HS6ST3: variants seen among roughly 807,000 people sequenced by gnomAD.
HS6ST3 encodes the protein heparan-sulfate 6-O-sulfotransferase 3.
HS6ST3 carries 12 observed loss-of-function variants against 36.7 expected under a neutral mutation model. The ratio of observed to expected loss-of-function variants is 0.33; its 90% CI spans 0.21 to 0.53. HS6ST3 has a LOEUF of 0.53. Ranked by LOEUF, HS6ST3 falls within the 20% of genes least tolerant of loss-of-function variation. The pLI is 0.95. For missense variants in HS6ST3, 584 were observed against 640.9 expected (o/e 0.91, Z 0.96); for synonymous variants, 240 against 257.5 (o/e 0.93, Z 0.65).
intron 1 of HS6ST3, among the ~76,000 whole-genome samples, chr13:96,412,549 G>T (rs988739942): frequency 6.6e-6 from 1 of 152,014 alleles, no homozygotes; most frequent in Admixed American, 6.6e-5. Context: ...AGATTCTTGG[G>T]TAGAAATTGT....
At chr13:96,217,533 A>G (rs2054433027) in intron 1 of HS6ST3, among the ~76,000 whole-genome samples, 2 of 152,164 alleles carry the variant, frequency 1.3e-5, no homozygotes, top group African/African-American at 4.8e-5. Flanking sequence ...GCAGCTTCCT[A>G]ACGAAGTAGA....
chr13:96,753,255 T>C (rs1390555186), intron 1 of HS6ST3, among the ~76,000 whole-genome samples: 4 of 152,218 alleles, frequency 2.6e-5, no homozygotes, highest in African/African-American at 7.2e-5. Flanking sequence ...TTGGGCAAGA[T>C]TTTTCAAAAC....
chr13:96,660,421 T>C (rs1197692729), intron 1 of HS6ST3, among the ~76,000 whole-genome samples: 2 of 152,092 alleles, frequency 1.3e-5, no homozygotes. Context: ...TCATACACAA[T>C]GAGGAAAGGA....
At chr13:96,719,486 TTC>T (rs1566437652) in intron 1 of HS6ST3, among the ~76,000 whole-genome samples, 4 of 152,184 alleles carry the variant, frequency 2.6e-5, no homozygotes, top group Admixed American at 6.5e-5. Flanking sequence ...CTCATCAGCA[TTC>T]TTTTTCTAGG....
At chr13:96,678,981 A>G (rs553602647) in intron 1 of HS6ST3, among the ~76,000 whole-genome samples, 6 of 151,710 alleles carry the variant, frequency 4.0e-5, no homozygotes, top group Non-Finnish European at 8.8e-5. Context: ...TGTCAACCCC[A>G]ACCTCACCCT....
chr13:96,367,497 C>T (rs1201889655), intron 1 of HS6ST3, among the ~76,000 whole-genome samples: 1 of 152,160 alleles, frequency 6.6e-6, no homozygotes, highest in African/African-American at 2.4e-5. Context: ...TTGACTATGA[C>T]ACTGGTACAC....
Position 96,832,534 on chromosome 13 carries a change from A to T in HS6ST3, c.752A>T (p.Tyr251Phe). 6.2e-7 allele frequency: 1 copy of T among 1,605,744 alleles called. No individual in the cohort carries two copies. The highest frequency in any genetic ancestry group is 1.3e-5 in the African/African-American group (1 of 74,696). Residue 251 changes from tyrosine (Y) to phenylalanine (F), a missense_variant, in exon 2 of 2, where the codon TAC (tyrosine) becomes TTC (phenylalanine). By Grantham distance (22) the Tyr-to-Phe change is conservative. This residue lies in a region of HS6ST3 where 360 missense variants were observed against 411.3 expected (regional missense o/e 0.88). Transcript: ENST00000376705. ...ITMLRDPVSR[Y>F]LSEWKHVQRG... ...ATGTTACGGGATCCAGTGTCACGTT[A>T]CCTGAGCGAGTGGAAACATGTCCAG...
intron 1 of HS6ST3, among the ~76,000 whole-genome samples, chr13:96,291,875 A>G (rs2054831335): frequency 1.3e-5 from 2 of 152,198 alleles, no homozygotes; most frequent in Non-Finnish European, 2.9e-5. Flanking sequence ...TTTTTGGACA[A>G]AAAGTACATT....
At chr13:96,434,613 G>T (rs2055632341) in intron 1 of HS6ST3, among the ~76,000 whole-genome samples, 1 of 151,916 alleles carries the variant, frequency 6.6e-6, no homozygotes, top group South Asian at 2.1e-4. Flanking sequence ...TGGTGCCCTG[G>T]CTCTTCTCTT....
chr13:96,099,354 T>C, intron 1 of HS6ST3, among the ~76,000 whole-genome samples: 1 of 152,198 alleles, frequency 6.6e-6, no homozygotes, highest in East Asian at 1.9e-4. Flanking sequence ...CAAGCTGTGA[T>C]GCAAAAGAGA....
At chr13:96,757,476 ATAT>A (rs1876860368) in intron 1 of HS6ST3, among the ~76,000 whole-genome samples, 1 of 152,166 alleles carries the variant, frequency 6.6e-6, no homozygotes, top group Non-Finnish European at 1.5e-5. Context: ...TTTTTTTTAA[ATAT>A]ACTTTTACTT....
intron 1 of HS6ST3, among the ~76,000 whole-genome samples, chr13:96,784,244 C>T (rs931437948): frequency 3.9e-5 from 6 of 152,082 alleles, no homozygotes; most frequent in Non-Finnish European, 1.5e-5. Context: ...ACTTGACTGA[C>T]CTATCTGGCT....
chr13:96,225,226 G>A (rs1450365342), intron 1 of HS6ST3, among the ~76,000 whole-genome samples: 3 of 152,140 alleles, frequency 2.0e-5, no homozygotes, highest in African/African-American at 7.2e-5. Context: ...ATCAAGTTTG[G>A]CCTAATTAAA....
chr13:96,571,206 G>C lies in HS6ST3; in HGVS notation c.708-261284G>C, dbSNP rs182883283. ...GGCTTCTTTCTTCCTCTCCAGGCAC[G>C]TTGGTCAACTCTGCTTATTGATCAG... On this transcript the variant is annotated intron_variant, in intron 1 of 1. Transcript: ENST00000376705. Among the ~76,000 whole-genome samples, 515 of 152,298 alleles carry C rather than the reference G, an allele frequency of 3.4e-3. 2 individuals are homozygous for C. Among genetic ancestry groups the C allele is most frequent in the African/African-American group, 0.012 (498 of 41,566 alleles).
At chr13:96,433,918 A>G (rs1332840040) in intron 1 of HS6ST3, among the ~76,000 whole-genome samples, 2 of 152,034 alleles carry the variant, frequency 1.3e-5, no homozygotes, top group Non-Finnish European at 2.9e-5. Context: ...CTGGGTGACA[A>G]GAGTGAAACT....
At position 96,837,772 on chromosome 13, in the gene HS6ST3, A is replaced by G. The variant is rs1878965819; in HGVS notation, c.*4574A>G. ...CTCCATCCAACTCAAAACCTATTCA[A>G]TATGAAGGCCGAGGGAATGTGCTCA... On this transcript the variant is annotated 3_prime_UTR_variant, in exon 2 of 2. Coordinates refer to ENST00000376705, the MANE Select transcript of HS6ST3 (RefSeq NM_153456.4). The G allele has an allele frequency of 6.6e-6, 1 of 151,886 alleles. No individual in the cohort carries two copies. The highest frequency in any genetic ancestry group is 2.1e-4 in the South Asian group (1 of 4,820). The allele number at this position is 151,886 out of a possible 1,614,324, so 9.4% of individuals were successfully genotyped here.
intron 1 of HS6ST3, among the ~76,000 whole-genome samples, chr13:96,707,461 A>G (rs1441433226): frequency 1.3e-5 from 2 of 152,196 alleles, no homozygotes; most frequent in Admixed American, 6.5e-5. Flanking sequence ...GCAATCAGTA[A>G]TCTCTATCAG....
At chr13:96,344,621 C>T (rs982264841) in intron 1 of HS6ST3, among the ~76,000 whole-genome samples, 3 of 152,164 alleles carry the variant, frequency 2.0e-5, no homozygotes, top group South Asian at 2.1e-4. Flanking sequence ...TTAAATTTAT[C>T]CTCTCTCCTG....
At chr13:96,273,811 G>A (rs2054732927) in intron 1 of HS6ST3, among the ~76,000 whole-genome samples, 1 of 152,028 alleles carries the variant, frequency 6.6e-6, no homozygotes. Flanking sequence ...GAGAAGGCAT[G>A]GAAAGAGCTG....
Sources: allele counts gnomAD v4.1 joint callset (sites outside exome capture counted in the v4.1 genomes callset), GRCh38; gene constraint gnomAD v4.1.1; regional missense constraint gnomAD v4.1.1; transcripts MANE v1.5; gene names NCBI Gene and HGNC (gene_info 2026-07-23, HGNC 2026-07-21).